Variants in NTM observed in about 807,000 individuals in gnomAD.
NTM encodes neurotrimin.
In NTM, 13 loss-of-function variants were observed where a neutral mutation model predicts 42.1. That is an observed-to-expected ratio of 0.31 (90% CI 0.20 to 0.49). The LOEUF is 0.49. NTM is among the 20% of genes least tolerant of loss of function. The probability of loss-of-function intolerance (pLI) is 0.99; values close to 1 mark genes in which losing one functional copy is unlikely to be tolerated. For synonymous variants in NTM, 187 were observed against 179.2 expected, an observed-to-expected ratio of 1.04 and a Z score of -0.35; for missense variants, 373 against 452.8, an observed-to-expected ratio of 0.82 and a Z score of 1.60.
chr11:131,385,852 A>G (rs1046516110), intron 1 of NTM, among the ~76,000 whole-genome samples: 17 of 152,234 alleles, frequency 1.1e-4, no homozygotes, highest in African/African-American at 3.6e-4. Context: ...AGCAAGACTC[A>G]GTGTCTAAAC....
chr11:131,698,148 T>C (rs1214839914), intron 1 of NTM, among the ~76,000 whole-genome samples: 4 of 152,170 alleles, frequency 2.6e-5, no homozygotes, highest in Non-Finnish European at 5.9e-5. Flanking sequence ...AATTCAACTT[T>C]TAGAGGCTCT....
intron 1 of NTM, chr11:131,877,673 A>G (rs1459778255): frequency 6.6e-6 from 1 of 152,242 alleles, no homozygotes; most frequent in Middle Eastern, 3.2e-3. Context: ...ATAATCAGAA[A>G]CCATAAAATG....
intron 1 of NTM, among the ~76,000 whole-genome samples, chr11:131,417,028 G>A (rs1947033728): frequency 6.6e-6 from 1 of 152,134 alleles, no homozygotes; most frequent in South Asian, 2.1e-4. Flanking sequence ...GTACAATGAG[G>A]ATATTTGTAG....
intron 1 of NTM, among the ~76,000 whole-genome samples, chr11:131,459,395 G>C (rs1307915688): frequency 6.6e-6 from 1 of 152,142 alleles, no homozygotes; most frequent in Non-Finnish European, 1.5e-5. Flanking sequence ...TTCATCTATA[G>C]GATTGATGAG....
chr11:131,891,943 C>T (rs1039946270), intron 1 of NTM, among the ~76,000 whole-genome samples: 3 of 152,224 alleles, frequency 2.0e-5, no homozygotes, highest in Non-Finnish European at 2.9e-5. Flanking sequence ...ACACTTCTTA[C>T]TCTCTAAAAT....
intron 4 of NTM, among the ~76,000 whole-genome samples, chr11:132,217,330 G>T (rs2084054116): frequency 6.6e-6 from 1 of 150,706 alleles, no homozygotes; most frequent in African/African-American, 2.4e-5. Flanking sequence ...TTCCACTCTT[G>T]TGCCTCTTTC....
At chr11:131,967,207 G>A (rs2062948768) in intron 2 of NTM, among the ~76,000 whole-genome samples, 1 of 152,172 alleles carries the variant, frequency 6.6e-6, no homozygotes, top group African/African-American at 2.4e-5. Context: ...ATTTACACTG[G>A]AGTGGGGTCA....
intron 1 of NTM, among the ~76,000 whole-genome samples, chr11:131,481,143 C>T (rs983834091): frequency 2.0e-5 from 3 of 152,112 alleles, no homozygotes; most frequent in Non-Finnish European, 4.4e-5. Context: ...GAAATTTGAG[C>T]TTCAATTTCC....
intron 1 of NTM, chr11:131,795,668 G>T: frequency 1.0e-6 from 1 of 985,418 alleles, no homozygotes; most frequent in African/African-American, 1.7e-5. Context: ...GTGCCCATAA[G>T]TTCAGGGCGA....
At chr11:131,668,344 C>G (rs2069478157) in intron 1 of NTM, among the ~76,000 whole-genome samples, 1 of 151,778 alleles carries the variant, frequency 6.6e-6, no homozygotes, top group African/African-American at 2.4e-5. Flanking sequence ...CTGGATATTC[C>G]TAAGTATTCC....
intron 1 of NTM, among the ~76,000 whole-genome samples, chr11:131,598,799 T>TC (rs1321558136): frequency 0.059 from 4,536 of 77,272 alleles, 1,332 homozygotes; most frequent in African/African-American, 0.17. Flanking sequence ...CTTTCTTTCT[T>TC]TTTCTTTCTT....
At position 131,444,854 on chromosome 11, in the gene NTM, A is replaced by C. The variant is rs149988363; in HGVS notation, c.82+73966A>C. Among the ~76,000 whole-genome samples the C allele has an allele frequency of 3.7e-3, 557 of 152,318 alleles. 6 individuals are homozygous for C. Among genetic ancestry groups the C allele is most frequent in the African/African-American group, 0.012 (491 of 41,574 alleles). On this transcript the variant is annotated intron_variant, in intron 1 of 8. Coordinates refer to ENST00000683400, the MANE Select transcript of NTM (RefSeq NM_001352005.2). ...GTAAGAGAAGGTTATATGTGGGTACAAATGTGTTTCCTGGAAGGATGATGA... is the reference window on the plus strand; with the variant it reads ...GTAAGAGAAGGTTATATGTGGGTACCAATGTGTTTCCTGGAAGGATGATGA...
intron 1 of NTM, among the ~76,000 whole-genome samples, chr11:131,836,455 CTG>C (rs2043507253): frequency 1.3e-5 from 2 of 152,168 alleles, no homozygotes; most frequent in African/African-American, 4.8e-5. Flanking sequence ...GCTTGGAACA[CTG>C]TATATAGACA....
chr11:131,986,432 T>C (rs548478961), intron 2 of NTM, among the ~76,000 whole-genome samples: 1 of 152,374 alleles, frequency 6.6e-6, no homozygotes, highest in Admixed American at 6.5e-5. Flanking sequence ...CCTGTTTTTG[T>C]TCCATTCCTT....
chr11:132,294,710 A>T (rs146411203), intron 4 of NTM, among the ~76,000 whole-genome samples: 1 of 152,290 alleles, frequency 6.6e-6, no homozygotes, highest in Non-Finnish European at 1.5e-5. Context: ...GAGCATGTTG[A>T]GGCTCATTTT....
At position 131,823,073 on chromosome 11, in the gene NTM, C is replaced by T. The variant is rs543153514; in HGVS notation, c.83-88491C>T. 9.2e-5 allele frequency among the ~76,000 whole-genome samples: 14 copies of T among 152,102 alleles called. No individual in the cohort carries two copies. In the South Asian group the frequency reaches 2.9e-3, roughly 32 times the overall value. The stretch of plus-strand genomic sequence containing the variant: ...AGACAAATGCACTTGTTCTTCAATC[C>T]AGTGAGATTGTTTTTCCATAGAAGC... On this transcript the variant is annotated intron_variant, in intron 1 of 8. Coordinates refer to ENST00000683400, the MANE Select transcript of NTM (RefSeq NM_001352005.2).
At chr11:132,296,160 C>A (rs574842089) in intron 4 of NTM, among the ~76,000 whole-genome samples, 1 of 152,090 alleles carries the variant, frequency 6.6e-6, no homozygotes, top group African/African-American at 2.4e-5. Flanking sequence ...ATTCAGCCTG[C>A]GGTGTCTGGG....
At chr11:131,852,970 C>T (rs189365617) in intron 1 of NTM, among the ~76,000 whole-genome samples, 1 of 147,108 alleles carries the variant, frequency 6.8e-6, no homozygotes, top group African/African-American at 2.7e-5. Flanking sequence ...ATCCATCCAC[C>T]CATTTATTCA....
At chr11:131,782,427 A>G (rs1034047099) in intron 1 of NTM, among the ~76,000 whole-genome samples, 11 of 152,078 alleles carry the variant, frequency 7.2e-5, no homozygotes, top group African/African-American at 2.7e-4. Context: ...AAAATATTTA[A>G]GGAGGAAATA....
Sources: gnomAD v4.1 joint callset for allele counts (sites outside exome capture counted in the v4.1 genomes callset) on GRCh38, gnomAD v4.1.1 for gene constraint, MANE v1.5 for transcripts, NCBI Gene and HGNC (gene_info 2026-07-23, HGNC 2026-07-21) for gene names.